Variants in PCDHGA3 observed in about 807,000 individuals in gnomAD.
The protein encoded by PCDHGA3 is protocadherin gamma subfamily A, 3, also known as protocadherin gamma-A3.
Under a neutral mutation model 58.5 loss-of-function variants are expected in PCDHGA3, and 40 were observed. The observed-to-expected ratio is 0.68, with a 90% confidence interval of 0.53 to 0.89. The LOEUF is 0.89. Ranked by LOEUF, PCDHGA3 falls within the 40% of genes least tolerant of loss-of-function variation. The pLI is 0.00. For synonymous variants in PCDHGA3, 530 were observed against 525.7 expected, an observed-to-expected ratio of 1.01 and a Z score of -0.11; for missense variants, 1,223 against 1,195.9, an observed-to-expected ratio of 1.02 and a Z score of -0.33.
intron 1 of PCDHGA3, chr5:141,410,443 T>A (rs1207487083): frequency 6.2e-7 from 1 of 1,613,926 alleles, no homozygotes; most frequent in Non-Finnish European, 8.5e-7. Context: ...GTGAGGGGAC[T>A]TTGCCTTATT....
intron 1 of PCDHGA3, chr5:141,403,068 C>G (rs1178674622): frequency 6.2e-7 from 1 of 1,614,064 alleles, no homozygotes; most frequent in Admixed American, 1.7e-5. Context: ...CCTGAAGAGA[C>G]AGAAAAGGGC....
chr5:141,478,678 C>T (rs3805695), intron 1 of PCDHGA3: 273,671 of 1,551,084 alleles, frequency 0.18, 26,385 homozygotes, highest in African/African-American at 0.39. Context: ...TTCAACTGGC[C>T]CTTCCTAGAT....
At chr5:141,419,172 T>A in intron 1 of PCDHGA3, 1 of 1,613,914 alleles carries the variant, frequency 6.2e-7, no homozygotes, top group Non-Finnish European at 8.5e-7. Context: ...AGCAAAACCA[T>A]AACCCTGCAC....
chr5:141,438,764 C>T (rs963627140), intron 1 of PCDHGA3, among the ~76,000 whole-genome samples: 38 of 148,736 alleles, frequency 2.6e-4, no homozygotes, highest in African/African-American at 9.4e-4. Context: ...TGGGTTCAAG[C>T]GATTCTCCTG....
chr5:141,403,667 G>T (rs1386561971), intron 1 of PCDHGA3: 8 of 1,613,910 alleles, frequency 5.0e-6, no homozygotes, highest in Non-Finnish European at 6.8e-6. Flanking sequence ...AAATGATAAT[G>T]CCCCGGTTTT....
chr5:141,384,402 GTCC>G lies in PCDHGA3; in HGVS notation c.2424+37950_2424+37952del, dbSNP rs781624552. ...AAGACACCATCCAGGGGGCTCCAGTGTCCTCCTATGTCTCCATAAACTCTGACA... is the reference window on the plus strand; with the variant it reads ...AAGACACCATCCAGGGGGCTCCAGTGTCCTATGTCTCCATAAACTCTGACA... On this transcript the variant is annotated intron_variant, in intron 1 of 3. Coordinates refer to ENST00000253812, the MANE Select transcript of PCDHGA3 (RefSeq NM_018916.4). The G allele has an allele frequency of 1.8e-5, 29 of 1,613,830 alleles. No homozygotes were observed. The African/African-American group carries it at 2.4e-4, about 13-fold the overall frequency.
chr5:141,400,646 CTGTCCT>C, intron 1 of PCDHGA3: 1 of 1,222,508 alleles, frequency 8.2e-7, no homozygotes, highest in South Asian at 1.4e-5. Flanking sequence ...GCTCAGAAAG[CTGTCCT>C]ACCATTCTTT....
At chr5:141,369,282 C>T (rs908116391) in intron 1 of PCDHGA3, among the ~76,000 whole-genome samples, 3 of 152,074 alleles carry the variant, frequency 2.0e-5, no homozygotes, top group Admixed American at 2.0e-4. Flanking sequence ...ATTCACTCCC[C>T]AATCCTAATA....
intron 1 of PCDHGA3, chr5:141,410,374 G>A: frequency 6.2e-7 from 1 of 1,613,976 alleles, no homozygotes; most frequent in Non-Finnish European, 8.5e-7. Flanking sequence ...CTGCTACTTG[G>A]GACTGCTTCC....
At chr5:141,375,557 G>A in intron 1 of PCDHGA3, 1 of 1,613,988 alleles carries the variant, frequency 6.2e-7, no homozygotes, top group Non-Finnish European at 8.5e-7. Context: ...CTACTCACTG[G>A]CAGAAGACAC....
chr5:141,360,782 A>T, intron 1 of PCDHGA3: 1 of 1,613,948 alleles, frequency 6.2e-7, no homozygotes, highest in East Asian at 2.2e-5. Context: ...ACAGCTGTGG[A>T]TGGCGGAGAC....
chr5:141,488,428 C>A (rs1234461104), intron 1 of PCDHGA3, among the ~76,000 whole-genome samples: 1 of 152,186 alleles, frequency 6.6e-6, no homozygotes, highest in Non-Finnish European at 1.5e-5. Context: ...CATGCTTGGC[C>A]TCTGACCACC....
Position 141,489,087 on chromosome 5 carries a change from TGA to T in PCDHGA3, c.2425-5719_2425-5718del. The T allele has an allele frequency of 4.6e-6, 1 of 216,098 alleles. No individual in the cohort carries two copies. 13.4% of individuals were successfully genotyped at this position (216,098 alleles called of 1,614,324 possible). ...CCCCCTGCCCACCCCCGCCACTCGGTGACTAAGAACTGCTGCAAGCAGGCAAA... is the reference window on the plus strand; with the variant it reads ...CCCCCTGCCCACCCCCGCCACTCGGTCTAAGAACTGCTGCAAGCAGGCAAA... On this transcript the variant is annotated intron_variant, in intron 1 of 3. Transcript: ENST00000253812. The surrounding 1 kb of genome is among the most constrained non-coding windows in gnomAD (Gnocchi z 4.5).
In PCDHGA3 at chr5:141,489,184, G is replaced by T; in HGVS notation, c.2425-5623G>T. ...TCAGCTGCTGCATTCCAAGCCCTGG[G>T]TCTACCTTGGAGACAGGACAGCACA... On this transcript the variant is annotated intron_variant, in intron 1 of 3. Transcript: ENST00000253812. This position sits in a 1 kb window ranked among gnomAD's most constrained non-coding sequence, Gnocchi z 4.5. 7.8e-7 allele frequency: 1 copy of T among 1,287,330 alleles called. No homozygotes were observed. Among genetic ancestry groups the T allele is most frequent in the Non-Finnish European group, 1.1e-6 (1 of 928,816 alleles). 79.7% of individuals were successfully genotyped at this position (1,287,330 alleles called of 1,614,324 possible).
chr5:141,352,541 T>A, intron 1 of PCDHGA3: 1 of 1,613,748 alleles, frequency 6.2e-7, no homozygotes, highest in Non-Finnish European at 8.5e-7. Context: ...AAAGACAGAG[T>A]TTAATTCTCT....
In PCDHGA3 at chr5:141,490,084, G is replaced by A. The variant is rs772917260; in HGVS notation, c.2425-4723G>A. The A allele has an allele frequency of 4.3e-6, 7 of 1,614,104 alleles. No individual in the cohort carries two copies. ...CAACGGCCAACTAGACTATTCTTTT[G>A]GAGACCACACATCTGAGGCAGTGCG... On this transcript the variant is annotated intron_variant, in intron 1 of 3. Transcript: ENST00000253812. The surrounding 1 kb of genome is among the most constrained non-coding windows in gnomAD (Gnocchi z 5.4).
intron 1 of PCDHGA3, among the ~76,000 whole-genome samples, chr5:141,435,951 G>C (rs371199258): frequency 3.9e-5 from 6 of 152,100 alleles, no homozygotes; most frequent in African/African-American, 1.4e-4. Flanking sequence ...ACCAAAAAAG[G>C]GGGCAAAATA....
At chr5:141,415,740 G>GTTTTTTT (rs57426385) in intron 1 of PCDHGA3, 164 of 624,990 alleles carry the variant, frequency 2.6e-4, no homozygotes, top group African/African-American at 5.0e-4. Flanking sequence ...GTTTATTAAG[G>GTTTTTTT]TTTTTTTTTT....
chr5:141,462,423 G>A (rs1367388191), intron 1 of PCDHGA3, among the ~76,000 whole-genome samples: 1 of 151,820 alleles, frequency 6.6e-6, no homozygotes, highest in East Asian at 1.9e-4. Context: ...GTCTATCTTG[G>A]TGAGTGTTGC....
Sources: gnomAD v4.1 joint callset for allele counts (sites outside exome capture counted in the v4.1 genomes callset) on GRCh38, gnomAD v4.1.1 for gene constraint, Gnocchi (gnomAD v3.1) non-coding constraint, MANE v1.5 for transcripts, NCBI Gene and HGNC (gene_info 2026-07-23, HGNC 2026-07-21) for gene names.